Variants in UPF2 observed in about 807,000 individuals in gnomAD.
UPF2 encodes the protein UPF2 regulator of nonsense mediated mRNA decay.
In UPF2, 17 loss-of-function variants were observed where a neutral mutation model predicts 141.4. That is an observed-to-expected ratio of 0.12 (90% CI 0.08 to 0.18). The LOEUF is 0.18. Ranked by LOEUF, UPF2 falls within the 10% of genes least tolerant of loss-of-function variation. UPF2 has a pLI of 1.00. For missense variants in UPF2, 1,152 were observed against 1,515.9 expected, an observed-to-expected ratio of 0.76 and a Z score of 3.99; for synonymous variants, 540 against 498.0, an observed-to-expected ratio of 1.08 and a Z score of -1.12.
intron 3 of UPF2, among the ~76,000 whole-genome samples, chr10:12,023,560 C>A (rs1834355305): frequency 6.7e-6 from 1 of 149,586 alleles, no homozygotes; most frequent in South Asian, 2.1e-4. Context: ...CGTGGTGGTG[C>A]ATGCCTGTAA....
At position 11,967,376 on chromosome 10, in the gene UPF2, T is replaced by C. The variant is rs1357518099; in HGVS notation, c.2032A>G (p.Met678Val). 1.3e-6 allele frequency: 2 copies of C among 1,589,120 alleles called. No homozygotes were observed. Among genetic ancestry groups the C allele is most frequent in the Non-Finnish European group, 1.7e-6 (2 of 1,171,838 alleles). Residue 678 changes from methionine (M) to valine (V), a missense_variant, in exon 10 of 22, where the codon ATG (methionine) becomes GTG (valine). Around this residue, in one of 4 missense-constraint regions of UPF2, gnomAD observed 739 missense variants for 1,032.2 expected, o/e 0.72. Coordinates refer to ENST00000357604, the MANE Select transcript of UPF2 (RefSeq NM_015542.4). ...TGCAGTGTGTCATTTTTGGTGAACATCTTAAACTTAGTTAGTTCTCCTATA... is the reference window on the plus strand; with the variant it reads ...TGCAGTGTGTCATTTTTGGTGAACACCTTAAACTTAGTTAGTTCTCCTATA... Reference protein sequence around the residue: ...RFIGELTKFKMFTKNDTLHCL... With the variant: ...RFIGELTKFKVFTKNDTLHCL...
At chr10:12,001,950 A>C in intron 5 of UPF2, 125 bp from the exon 6 acceptor site, 1 of 822,898 alleles carries the variant, frequency 1.2e-6, no homozygotes, top group Non-Finnish European at 1.8e-6. Context: ...CTGGCAACTG[A>C]AGTTAATATA....
At chr10:11,929,844 A>T (rs749625173) in intron 21 of UPF2, 21 bp downstream of exon 21, 15 of 1,612,640 alleles carry the variant, frequency 9.3e-6, no homozygotes, top group Non-Finnish European at 8.5e-7. Context: ...ACAGCTAAGG[A>T]AGGAGTAATG....
At chr10:11,966,732 C>A (rs935790555) in intron 10 of UPF2, among the ~76,000 whole-genome samples, 1 of 152,168 alleles carries the variant, frequency 6.6e-6, no homozygotes, top group Non-Finnish European at 1.5e-5. Flanking sequence ...CCCTTCATTT[C>A]TAATAATACT....
At chr10:12,001,540 C>G in intron 6 of UPF2, 136 bp downstream of exon 6, 1 of 812,840 alleles carries the variant, frequency 1.2e-6, no homozygotes, top group Non-Finnish European at 1.8e-6. Flanking sequence ...ATTCTGAAAA[C>G]AGTGATGGAC....
chr10:12,040,319 G>A (rs916684884), intron 1 of UPF2, among the ~76,000 whole-genome samples: 2 of 152,162 alleles, frequency 1.3e-5, no homozygotes, highest in Admixed American at 6.5e-5. Context: ...CTACTCAGGA[G>A]GCTGAGGCAG....
rs1183331776 is a variant in UPF2, at chr10:11,963,800, A to T, written c.2184+209T>A. Among the ~76,000 whole-genome samples, 4 of 152,306 alleles carry T rather than the reference A, an allele frequency of 2.6e-5. No individual in the cohort carries two copies. In the East Asian group the frequency reaches 7.7e-4, roughly 29 times the overall value. ...AGGTTGAACTTAATTACCCCTTGCAATACTGTGAACTCGCTGGTAGCCAAG... is the reference window on the plus strand; with the variant it reads ...AGGTTGAACTTAATTACCCCTTGCATTACTGTGAACTCGCTGGTAGCCAAG... On this transcript the variant is annotated intron_variant, in intron 11 of 21. Transcript: ENST00000357604.
In UPF2 at chr10:11,931,523, A is replaced by C. The variant is rs1832781581; in HGVS notation, c.3688+118T>G. 2 of 1,095,396 alleles carry C rather than the reference A, an allele frequency of 1.8e-6. No homozygotes were observed. Among genetic ancestry groups the C allele is most frequent in the Non-Finnish European group, 2.5e-6 (2 of 804,070 alleles). 67.9% of individuals were successfully genotyped at this position (1,095,396 alleles called of 1,614,324 possible). A position where few individuals can be genotyped will look rare whatever the true frequency, so the allele number is the denominator to read the frequency against. ...AGTGAAAGAAAAACAGTGGGATACA[A>C]AATGAATTTCTCAGCATAAATATGG... On this transcript the variant is annotated intron_variant, in intron 20 of 21. Coordinates refer to ENST00000357604, the MANE Select transcript of UPF2 (RefSeq NM_015542.4). The surrounding 1 kb of genome is among the most constrained non-coding windows in gnomAD (Gnocchi z 5.9).
intron 4 of UPF2, among the ~76,000 whole-genome samples, chr10:12,012,811 A>C (rs1451523169): frequency 6.6e-6 from 1 of 151,688 alleles, no homozygotes; most frequent in Non-Finnish European, 1.5e-5. Flanking sequence ...AAAAAAAAAA[A>C]AACATTTAAA....
chr10:11,971,487 G>A (rs1200048197), intron 9 of UPF2, among the ~76,000 whole-genome samples: 1 of 152,074 alleles, frequency 6.6e-6, no homozygotes, highest in Non-Finnish European at 1.5e-5. Flanking sequence ...CCTGACCTCA[G>A]GTGATCCGCC....
Position 11,921,821 on chromosome 10 carries a change from T to C in UPF2, c.3810-514A>G, listed in dbSNP as rs879720080. On this transcript the variant is annotated intron_variant, in intron 21 of 21. Coordinates refer to ENST00000357604, the MANE Select transcript of UPF2 (RefSeq NM_015542.4). This position sits in a 1 kb window ranked among gnomAD's most constrained non-coding sequence, Gnocchi z 5.9. ...TGGCTCTGTTCTCTTCTACAACTTA[T>C]TCTTAAGGTGCTAAGAATTCACAGT... Among the ~76,000 whole-genome samples the C allele has an allele frequency of 6.9e-4, 43 of 62,472 alleles. No individual in the cohort carries two copies. The highest frequency in any genetic ancestry group is 1.6e-3 in the African/African-American group (40 of 25,462). The allele number at this position is 62,472 out of a possible 152,430, so 41.0% of individuals were successfully genotyped here.
rs148365095 is a variant in UPF2, at chr10:12,035,541, T to C, written c.-18-100A>G. The C allele has an allele frequency of 1.3e-3, 1,742 of 1,298,990 alleles. 15 individuals carry two copies. Among genetic ancestry groups the C allele is most frequent in the Middle Eastern group, 9.4e-3 (32 of 3,398 alleles). 80.5% of individuals were successfully genotyped at this position (1,298,990 alleles called of 1,614,324 possible). A position where few individuals can be genotyped will look rare whatever the true frequency, so the allele number is the denominator to read the frequency against. On this transcript the variant is annotated intron_variant, in intron 1 of 21. Transcript: ENST00000357604. ...AGAACATATTAATGCAACTTGGCAA[T>C]TGTAAAAGAGTAAATAAAGGCAGGT...
chr10:12,005,649 A>G (rs1219703232), intron 4 of UPF2, among the ~76,000 whole-genome samples: 1 of 152,022 alleles, frequency 6.6e-6, no homozygotes, highest in Admixed American at 6.6e-5. Context: ...GCTCACTGCA[A>G]CCTCCACCTC....
At chr10:12,028,642 G>A in intron 3 of UPF2, 103 bp downstream of exon 3, 1 of 1,188,722 alleles carries the variant, frequency 8.4e-7, no homozygotes, top group Non-Finnish European at 1.2e-6. Flanking sequence ...CACCTGTAAG[G>A]AGCCCTTTTC....
intron 7 of UPF2, 97 bp from the exon 8 acceptor site, chr10:11,997,854 A>C: frequency 8.1e-7 from 1 of 1,232,240 alleles, no homozygotes; most frequent in South Asian, 1.3e-5. Context: ...GTTCTTAAAC[A>C]TTTCAAAATG....
intron 6 of UPF2, among the ~76,000 whole-genome samples, chr10:12,000,857 A>C (rs1171514347): frequency 6.6e-6 from 1 of 152,180 alleles, no homozygotes; most frequent in Non-Finnish European, 1.5e-5. Flanking sequence ...ACTCGATAAG[A>C]AGCATTTAGG....
At position 12,028,788 on chromosome 10, in the gene UPF2, T is replaced by C. The variant is rs1220310554; in HGVS notation, c.1102A>G (p.Lys368Glu). Reference sequence around the variant, plus strand: ...TTCTGGAGCTCCCTGTGGTCCCTTTTCAGGTGTTTGGTCAAAGACGTAAAG... The same window carrying C: ...TTCTGGAGCTCCCTGTGGTCCCTTTCCAGGTGTTTGGTCAAAGACGTAAAG... ...EYFTSLTKHL[K>E]RDHRELQNTE... The change falls in exon 3 of 22, where the codon AAA (lysine) becomes GAA (glutamate). Residue 368 changes from lysine (K) to glutamate (E), a missense_variant. Coordinates refer to ENST00000357604, the MANE Select transcript of UPF2 (RefSeq NM_015542.4). The C allele has an allele frequency of 6.2e-7, 1 of 1,613,362 alleles. No homozygotes were observed. Among genetic ancestry groups the C allele is most frequent in the Non-Finnish European group, 8.5e-7 (1 of 1,179,842 alleles).
intron 3 of UPF2, chr10:12,026,801 T>A: frequency 2.6e-6 from 1 of 380,716 alleles, no homozygotes; most frequent in South Asian, 2.0e-5. Flanking sequence ...TACCGGGGCC[T>A]GCCACCATGC....
rs377563743 is a variant in UPF2 at position 12,042,295 on chromosome 10, C to A, written c.-19+460G>T. Among the ~76,000 whole-genome samples the A allele has an allele frequency of 6.6e-6, 1 of 152,092 alleles. No individual in the cohort carries two copies. The highest frequency in any genetic ancestry group is 1.9e-4 in the East Asian group (1 of 5,184). ...CCCAACTTCTCGCCCCACACTCCCT[C>A]GCCACAGAAGCCTTCCCGGCCGGTC... On this transcript the variant is annotated intron_variant, in intron 1 of 21. Coordinates refer to ENST00000357604, the MANE Select transcript of UPF2 (RefSeq NM_015542.4). This position sits in a 1 kb window ranked among gnomAD's most constrained non-coding sequence, Gnocchi z 5.5.
Sources: gnomAD v4.1 joint callset for allele counts (sites outside exome capture counted in the v4.1 genomes callset) on GRCh38, gnomAD v4.1.1 for gene constraint, gnomAD v4.1.1 regional missense constraint, Gnocchi (gnomAD v3.1) non-coding constraint, MANE v1.5 for transcripts, NCBI Gene and HGNC (gene_info 2026-07-23, HGNC 2026-07-21) for gene names.